Variants in OSGEPL1 observed in about 807,000 individuals in gnomAD.
The protein encoded by OSGEPL1 is O-sialoglycoprotein endopeptidase like 1, also known as tRNA N6-adenosine threonylcarbamoyltransferase, mitochondrial.
Under a neutral mutation model 37.2 loss-of-function variants are expected in OSGEPL1, and 26 were observed. The ratio of observed to expected loss-of-function variants is 0.70; its 90% CI spans 0.51 to 0.97. OSGEPL1 has a LOEUF of 0.97. OSGEPL1 is among the 50% of genes least tolerant of loss of function. OSGEPL1 has a pLI of 0.00. For synonymous variants in OSGEPL1, 140 were observed against 159.9 expected, an observed-to-expected ratio of 0.88 and a Z score of 0.94; for missense variants, 404 against 487.0, an observed-to-expected ratio of 0.83 and a Z score of 1.60.
intron 8 of OSGEPL1, among the ~76,000 whole-genome samples, chr2:189,749,571 C>T (rs2044779177): frequency 6.6e-6 from 1 of 151,974 alleles, no homozygotes; most frequent in South Asian, 2.1e-4. Flanking sequence ...AAAACTCCCT[C>T]ATTTATTTCC....
At chr2:189,760,111 G>A (rs924388370) in intron 2 of OSGEPL1, among the ~76,000 whole-genome samples, 8 of 152,256 alleles carry the variant, frequency 5.3e-5, no homozygotes, top group Admixed American at 1.3e-4. Context: ...AAGGCAGAAG[G>A]ATTTTTCTTA....
At position 189,754,258 on chromosome 2, in the gene OSGEPL1, T is replaced by C. The variant is rs759014421; in HGVS notation, c.697A>G (p.Asn233Asp). The C allele has an allele frequency of 8.7e-6, 14 of 1,613,798 alleles. No homozygotes were observed. The highest frequency in any genetic ancestry group is 1.1e-5 in the Non-Finnish European group (13 of 1,179,834). ...GGTTTGATGTCAAAATGAAATCTATTTCCTTGTTTGGCCAAATGTTCTATG... is the reference window on the plus strand; with the variant it reads ...GGTTTGATGTCAAAATGAAATCTATCTCCTTGTTTGGCCAAATGTTCTATG... ...KAIEHLAKQG[N>D]RFHFDIKPPL... The change falls in exon 4 of 9, where the codon AAT (asparagine) becomes GAT (aspartate). Residue 233 changes from asparagine to aspartate, a missense_variant. Coordinates refer to ENST00000264151, the MANE Select transcript of OSGEPL1 (RefSeq NM_022353.3).
intron 8 of OSGEPL1, among the ~76,000 whole-genome samples, chr2:189,748,822 A>C (rs2044594884): frequency 6.6e-6 from 1 of 152,208 alleles, no homozygotes; most frequent in African/African-American, 2.4e-5. Flanking sequence ...ACTATACTTT[A>C]GGACTATTTT....
At chr2:189,757,701 G>A (rs1254839396) in intron 2 of OSGEPL1, among the ~76,000 whole-genome samples, 1 of 152,176 alleles carries the variant, frequency 6.6e-6, no homozygotes, top group Non-Finnish European at 1.5e-5. Context: ...CCACTTATAT[G>A]GTGAGCTGTT....
At chr2:189,757,993 A>C (rs1156617799) in intron 2 of OSGEPL1, among the ~76,000 whole-genome samples, 1 of 152,166 alleles carries the variant, frequency 6.6e-6, no homozygotes, top group Non-Finnish European at 1.5e-5. Context: ...CCAATGTTGA[A>C]GATGGGGCCT....
At chr2:189,748,738 G>T (rs189122431) in intron 8 of OSGEPL1, among the ~76,000 whole-genome samples, 1 of 152,276 alleles carries the variant, frequency 6.6e-6, no homozygotes, top group African/African-American at 2.4e-5. Flanking sequence ...GAAATATTAA[G>T]TTTCTGTAGA....
In OSGEPL1 at chr2:189,750,610, TG is replaced by T; in HGVS notation, c.1212del (p.Ile405Ter). 1 of 1,592,868 alleles carries T rather than the reference TG, an allele frequency of 6.3e-7. No homozygotes were observed. Among genetic ancestry groups the T allele is most frequent in the Admixed American group, 1.8e-5 (1 of 56,896 alleles). ...VDISKEVGEASIKVPQLKMEI is the reference protein window; with the variant it reads ...VDISKEVGEAXIKVPQLKMEI ...TCCATTTTTAATTGTGGTACTTTTA[TG>T]GAAGCTTCTCCAACTTCTTTTGATA... On this transcript the variant is annotated frameshift_variant, in exon 8 of 9. Coordinates refer to ENST00000264151, the MANE Select transcript of OSGEPL1 (RefSeq NM_022353.3). LOFTEE classifies it high-confidence loss of function.
At chr2:189,761,277 G>C (rs1327689293) in intron 2 of OSGEPL1, 143 bp downstream of exon 2, 2 of 783,266 alleles carry the variant, frequency 2.6e-6, no homozygotes, top group Non-Finnish European at 3.8e-6. Context: ...TGAAGTGTTT[G>C]AGGTTTTCTA....
chr2:189,750,744 T>C, intron 7 of OSGEPL1, 88 bp from the exon 8 acceptor site: 1 of 907,170 alleles, frequency 1.1e-6, no homozygotes, highest in Non-Finnish European at 1.6e-6. Context: ...ATTCTGATGG[T>C]ATAAATATCA....
At chr2:189,762,873 A>T, upstream of OSGEPL1, 1 of 985,446 alleles carries the variant, frequency 1.0e-6, no homozygotes, top group Non-Finnish European at 1.2e-6. Flanking sequence ...AGAAAAGCTT[A>T]AAGGCCGTCT....
At chr2:189,763,034 A>G (rs1299337737), upstream of OSGEPL1, 5 of 985,262 alleles carry the variant, frequency 5.1e-6, no homozygotes, top group Non-Finnish European at 4.8e-6. Flanking sequence ...ACACTAAGCT[A>G]CATTAAAAAG....
intron 2 of OSGEPL1, among the ~76,000 whole-genome samples, chr2:189,760,171 T>C (rs1225114): frequency 0.98 from 149,556 of 152,332 alleles, 73,474 homozygotes; most frequent in East Asian, 1. Context: ...TACACAGACA[T>C]ATTAACAATC....
rs370895493 is a variant in OSGEPL1 at position 189,754,374 on chromosome 2, A to G, written c.610-29T>C. 2.8e-5 allele frequency: 43 copies of G among 1,544,854 alleles called. No homozygotes were observed. In the East Asian group the frequency reaches 3.2e-4, roughly 11 times the overall value. On this transcript the variant is annotated intron_variant, in intron 3 of 8. Transcript: ENST00000264151. ...TCAAAGAAACATATTTTTTAGAGTC[A>G]TAAAATTAAATACTGTGAAACGAAA...
At chr2:189,754,791 G>C (rs541356991) in intron 3 of OSGEPL1, 1 of 248,648 alleles carries the variant, frequency 4.0e-6, no homozygotes, top group African/African-American at 2.3e-5. Context: ...GTAAGTAATT[G>C]TGTGATTTAA....
At chr2:189,760,378 A>G (rs2046840870) in intron 2 of OSGEPL1, among the ~76,000 whole-genome samples, 1 of 152,078 alleles carries the variant, frequency 6.6e-6, no homozygotes, top group Admixed American at 6.5e-5. Flanking sequence ...GCTGCCGGGC[A>G]GAGGCGCCCC....
At chr2:189,753,023 T>C (rs1574862862) in intron 5 of OSGEPL1, 44 bp from the exon 6 acceptor site, 1 of 1,515,070 alleles carries the variant, frequency 6.6e-7, no homozygotes, top group Non-Finnish European at 8.8e-7. Context: ...TATATGGATA[T>C]GAACCAAGCT....
chr2:189,761,311 A>C (rs1299907510), intron 2 of OSGEPL1, 109 bp downstream of exon 2: 26 of 1,204,692 alleles, frequency 2.2e-5, no homozygotes, highest in Non-Finnish European at 1.6e-5. Context: ...AAGTGTTTGC[A>C]AAAAGGAATA....
chr2:189,750,501 C>A (rs1254879402), intron 8 of OSGEPL1, 49 bp downstream of exon 8: 2 of 725,530 alleles, frequency 2.8e-6, no homozygotes, highest in Non-Finnish European at 4.6e-6. Flanking sequence ...ATATCTTCTA[C>A]AATTTGATAC....
At chr2:189,754,433 A>G in intron 3 of OSGEPL1, 88 bp from the exon 4 acceptor site, 1 of 1,197,422 alleles carries the variant, frequency 8.4e-7, no homozygotes. Context: ...AATTACTAAC[A>G]AAACAAAAAA....
Sources: gnomAD v4.1 joint callset for allele counts (sites outside exome capture counted in the v4.1 genomes callset) on GRCh38, gnomAD v4.1.1 for gene constraint, MANE v1.5 for transcripts, NCBI Gene and HGNC (gene_info 2026-07-23, HGNC 2026-07-21) for gene names.